The following MARCHF1 variants were observed in gnomAD, a reference collection of about 807,000 sequenced individuals.
The protein encoded by MARCHF1 is E3 ubiquitin-protein ligase MARCHF1.
In MARCHF1, 40 loss-of-function variants were observed where a neutral mutation model predicts 54.2. The observed-to-expected ratio is 0.74, with a 90% CI of 0.57 to 0.96. The LOEUF (loss-of-function observed/expected upper bound fraction) is 0.96. MARCHF1 is among the 40% of genes least tolerant of loss of function. The pLI is 0.00. For missense variants in MARCHF1, 586 were observed against 656.5 expected (o/e 0.89, Z 1.17); for synonymous variants, 236 against 236.3 (o/e 1.00, Z 0.01).
chr4:164,360,224 G>GA (rs201408549), intron 1 of MARCHF1, among the ~76,000 whole-genome samples: 297 of 151,070 alleles, frequency 2.0e-3, no homozygotes, highest in African/African-American at 6.1e-3. Context: ...TGGCAAAAAA[G>GA]AAAAAAAAAT....
intron 2 of MARCHF1, among the ~76,000 whole-genome samples, chr4:164,034,244 C>T (rs1009981911): frequency 3.9e-5 from 6 of 152,140 alleles, no homozygotes; most frequent in Admixed American, 1.3e-4. Flanking sequence ...GAAAACCAAA[C>T]ACCACATGTT....
intron 4 of MARCHF1, among the ~76,000 whole-genome samples, chr4:163,847,778 A>C (rs1749528909): frequency 6.6e-6 from 1 of 151,666 alleles, no homozygotes; most frequent in South Asian, 2.1e-4. Context: ...ACAGGATTTC[A>C]CCATGTTGGC....
chr4:164,156,098 A>G (rs778990706), intron 1 of MARCHF1, among the ~76,000 whole-genome samples: 44 of 152,198 alleles, frequency 2.9e-4, no homozygotes, highest in Non-Finnish European at 5.3e-4. Flanking sequence ...TATTTACTCC[A>G]GAATTACCTA....
chr4:163,899,494 C>T (rs1007130992), intron 3 of MARCHF1, among the ~76,000 whole-genome samples: 1 of 152,118 alleles, frequency 6.6e-6, no homozygotes, highest in Non-Finnish European at 1.5e-5. Context: ...GCCAATTCTA[C>T]TTCATTTTTC....
intron 3 of MARCHF1, among the ~76,000 whole-genome samples, chr4:163,978,691 G>T (rs1752697656): frequency 6.6e-6 from 1 of 151,850 alleles, no homozygotes; most frequent in Non-Finnish European, 1.5e-5. Context: ...GATTCCTGGG[G>T]ATTTTTTGTT....
chr4:164,300,525 G>T (rs1191548660), intron 1 of MARCHF1, among the ~76,000 whole-genome samples: 1 of 152,096 alleles, frequency 6.6e-6, no homozygotes, highest in Non-Finnish European at 1.5e-5. Flanking sequence ...AGACATGCAT[G>T]AAATCAACAG....
chr4:163,876,234 T>C (rs1494284), intron 3 of MARCHF1, among the ~76,000 whole-genome samples: 59,847 of 151,968 alleles, frequency 0.39, 12,888 homozygotes, highest in Middle Eastern at 0.54. Flanking sequence ...GCACAACAAA[T>C]TGTAGAATTA....
At chr4:164,056,902 C>G (rs937609594) in intron 2 of MARCHF1, among the ~76,000 whole-genome samples, 2 of 152,088 alleles carry the variant, frequency 1.3e-5, no homozygotes, top group East Asian at 3.9e-4. Context: ...CTCAGCCTCT[C>G]GCTCTCACAC....
At chr4:163,697,147 T>C (rs1314359554) in intron 5 of MARCHF1, among the ~76,000 whole-genome samples, 1 of 152,140 alleles carries the variant, frequency 6.6e-6, no homozygotes, top group East Asian at 1.9e-4. Flanking sequence ...TGAAGAAGTG[T>C]TGCCACCAGG....
intron 1 of MARCHF1, among the ~76,000 whole-genome samples, chr4:164,176,543 T>C (rs1401451209): frequency 6.6e-6 from 1 of 152,066 alleles, no homozygotes; most frequent in African/African-American, 2.4e-5. Flanking sequence ...ATTAACTCCC[T>C]AGTGACAAAA....
chr4:163,943,303 G>C (rs1469081043), intron 3 of MARCHF1, among the ~76,000 whole-genome samples: 3 of 152,132 alleles, frequency 2.0e-5, no homozygotes, highest in Admixed American at 6.6e-5. Flanking sequence ...TTGTCTTCCA[G>C]GGATTTTGTA....
chr4:163,612,856 T>C lies in MARCHF1; in HGVS notation c.425A>G (p.Asp142Gly). The change falls in exon 7 of 10, where the codon GAC (aspartate) becomes GGC (glycine). Residue 142 changes from aspartate (D) to glycine (G), a missense_variant. Transcript: ENST00000514618. Reference sequence around the variant, plus strand: ...GGGGCTTGAGATTTGAAGGTGAAAGTCATTTTTTCTCCCTCTTATTTGTTC... The same window carrying C: ...GGGGCTTGAGATTTGAAGGTGAAAGCCATTTTTTCTCCCTCTTATTTGTTC... ...AEEQIRGRKN[D>G]FHLQISSPRW... The C allele has an allele frequency of 6.5e-7, 1 of 1,535,362 alleles. No homozygotes were observed.
chr4:164,039,281 A>C (rs1754074840), intron 2 of MARCHF1, among the ~76,000 whole-genome samples: 1 of 151,836 alleles, frequency 6.6e-6, no homozygotes, highest in Non-Finnish European at 1.5e-5. Context: ...TTGGTGTAGA[A>C]CTTGACACTC....
chr4:163,648,173 T>C (rs1290536623), intron 5 of MARCHF1, among the ~76,000 whole-genome samples: 9 of 151,986 alleles, frequency 5.9e-5, no homozygotes, highest in Non-Finnish European at 1.3e-4. Context: ...CCATTAGGGA[T>C]TCAAGTTTTT....
chr4:163,798,644 C>T (rs1482630219), intron 4 of MARCHF1, among the ~76,000 whole-genome samples: 1 of 151,906 alleles, frequency 6.6e-6, no homozygotes, highest in East Asian at 1.9e-4. Flanking sequence ...GTAGCCCTTC[C>T]TATCATGAAT....
intron 4 of MARCHF1, among the ~76,000 whole-genome samples, chr4:163,744,247 A>AT (rs549095753): frequency 3.2e-4 from 48 of 151,268 alleles, no homozygotes; most frequent in East Asian, 1.2e-3. Context: ...TTTCGAACCA[A>AT]TTTTTTTTTA....
chr4:163,676,505 G>A (rs1466394948), intron 5 of MARCHF1, among the ~76,000 whole-genome samples: 2 of 152,180 alleles, frequency 1.3e-5, no homozygotes, highest in Non-Finnish European at 2.9e-5. Flanking sequence ...CAAGCACTTT[G>A]GGAGGCTAAA....
At chr4:163,738,977 G>T (rs1439746449) in intron 4 of MARCHF1, among the ~76,000 whole-genome samples, 1 of 152,128 alleles carries the variant, frequency 6.6e-6, no homozygotes, top group Non-Finnish European at 1.5e-5. Context: ...TAAGTCGATG[G>T]TTAAAGTTTC....
intron 2 of MARCHF1, among the ~76,000 whole-genome samples, chr4:164,107,253 C>T (rs1216625634): frequency 4.0e-5 from 6 of 151,258 alleles, no homozygotes; most frequent in African/African-American, 1.5e-4. Context: ...TCTTATCAGT[C>T]ACAATTTTTA....
Sources: allele counts gnomAD v4.1 joint callset (sites outside exome capture counted in the v4.1 genomes callset), GRCh38; gene constraint gnomAD v4.1.1; transcripts MANE v1.5; gene names NCBI Gene and HGNC (gene_info 2026-07-23, HGNC 2026-07-21).